The following MMP20 variants were observed in gnomAD, a reference collection of about 807,000 sequenced individuals.
MMP20 encodes the protein matrix metalloproteinase-20.
MMP20 carries 50 observed loss-of-function variants against 51.8 expected under a neutral mutation model. The observed-to-expected ratio is 0.97, with a 90% confidence interval of 0.77 to 1.22. MMP20 has a LOEUF of 1.22. Among genes scored for constraint, MMP20 ranks in the 50% most tolerant of loss-of-function variants. The pLI, the probability that MMP20 is intolerant of heterozygous loss-of-function variation, is 0.00. For synonymous variants in MMP20, 244 were observed against 216.2 expected, an observed-to-expected ratio of 1.13 and a Z score of -1.13; for missense variants, 663 against 601.4, an observed-to-expected ratio of 1.10 and a Z score of -1.07.
intron 8 of MMP20, among the ~76,000 whole-genome samples, chr11:102,589,096 T>C (rs1859285351): frequency 6.6e-6 from 1 of 152,244 alleles, no homozygotes; most frequent in Non-Finnish European, 1.5e-5. Context: ...GCATTGACAC[T>C]ACATGATCTG....
At chr11:102,585,174 T>C (rs1465430488) in intron 8 of MMP20, among the ~76,000 whole-genome samples, 1 of 152,198 alleles carries the variant, frequency 6.6e-6, no homozygotes, top group South Asian at 2.1e-4. Flanking sequence ...AAAGAGATTG[T>C]GTTGAATCTA....
Position 102,625,202 on chromosome 11 carries a change from G to A in MMP20, c.118C>T (p.Leu40Phe), listed in dbSNP as rs778396179. ...GGCAAAAATTCACAAACCTGTGCGA[G>A]GCGGTAGTTGTTCCTCCAGGTCCTG... ...SPRTWRNNYR[L>F]AQAYLDKYYT... Residue 40 changes from leucine (L) to phenylalanine (F), a missense_variant, in exon 1 of 10, where the codon CTC becomes TTC. Leu to Phe is a conservative substitution (Grantham distance 22, BLOSUM62 0). Coordinates refer to ENST00000260228, the MANE Select transcript of MMP20 (RefSeq NM_004771.4). 47 of 1,613,956 alleles carry A rather than the reference G, an allele frequency of 2.9e-5. No individual in the cohort carries two copies. Among genetic ancestry groups the A allele is most frequent in the Non-Finnish European group, 3.9e-5 (46 of 1,179,942 alleles).
chr11:102,615,160 TTTA>T (rs1346510457), intron 2 of MMP20, among the ~76,000 whole-genome samples: 3 of 147,096 alleles, frequency 2.0e-5, no homozygotes, highest in South Asian at 2.1e-4. Context: ...ACGTATTTTA[TTTA>T]TTATTATAAA....
Position 102,593,564 on chromosome 11 carries a change from T to A in MMP20, c.1122A>T (p.Gln374His). 24 of 1,614,140 alleles carry A rather than the reference T, an allele frequency of 1.5e-5. No homozygotes were observed. Among genetic ancestry groups the A allele is most frequent in the Non-Finnish European group, 2.0e-5 (24 of 1,179,998 alleles). Residue 374 changes from glutamine to histidine, a missense_variant, in exon 8 of 10, where the codon CAA becomes CAT. Gln to His is a conservative substitution (Grantham distance 24). Transcript: ENST00000260228. Reference sequence around the variant, plus strand: ...AAATAGTCCGAGGAGGACCTTGCATTTGGAATCCTCTTGTTATCCAGTAGT... The same window carrying A: ...AAATAGTCCGAGGAGGACCTTGCATATGGAATCCTCTTGTTATCCAGTAGT... ...GPHYWITRGF[Q>H]MQGPPRTIYD...
In MMP20 at chr11:102,616,846, C is replaced by T; in HGVS notation, c.340G>A (p.Glu114Lys). ...AAAGTATTTTTTTTCCATTTGGGTT[C>T]ACCAGGGAAGAGGCGATAATTGGCC... ...DVANYRLFPG[E>K]PKWKKNTLTY... The change falls in exon 2 of 10, where the codon GAA becomes AAA. Residue 114 changes from glutamate to lysine, a missense_variant. Coordinates refer to ENST00000260228, the MANE Select transcript of MMP20 (RefSeq NM_004771.4). 2 of 1,614,162 alleles carry T rather than the reference C, an allele frequency of 1.2e-6. No homozygotes were observed. Among genetic ancestry groups the T allele is most frequent in the South Asian group, 1.1e-5 (1 of 91,070 alleles).
intron 1 of MMP20, among the ~76,000 whole-genome samples, chr11:102,620,648 C>T (rs142033545): frequency 1.8e-4 from 27 of 152,270 alleles, no homozygotes; most frequent in African/African-American, 5.8e-4. Flanking sequence ...GCCCTTATTC[C>T]GTGCATTTTC....
At chr11:102,577,921 G>A (rs1859144805) in intron 9 of MMP20, among the ~76,000 whole-genome samples, 1 of 152,168 alleles carries the variant, frequency 6.6e-6, no homozygotes, top group African/African-American at 2.4e-5. Flanking sequence ...CATCTGTGTT[G>A]GGTGAACCAT....
chr11:102,587,877 C>T (rs1859272347), intron 8 of MMP20, among the ~76,000 whole-genome samples: 1 of 152,052 alleles, frequency 6.6e-6, no homozygotes, highest in African/African-American at 2.4e-5. Flanking sequence ...ATAGGTGGGT[C>T]TTGTTTTTTA....
chr11:102,587,144 T>C (rs975910862), intron 8 of MMP20, among the ~76,000 whole-genome samples: 2 of 152,154 alleles, frequency 1.3e-5, no homozygotes, highest in Non-Finnish European at 2.9e-5. Flanking sequence ...TCTGGTATGT[T>C]GTATTTTAAT....
chr11:102,604,714 C>A (rs1248586068), intron 6 of MMP20, among the ~76,000 whole-genome samples: 1 of 152,006 alleles, frequency 6.6e-6, no homozygotes, highest in Non-Finnish European at 1.5e-5. Context: ...TAGAAATAAT[C>A]CAGTATGGGA....
chr11:102,598,350 T>C (rs1048257354), intron 6 of MMP20, among the ~76,000 whole-genome samples: 1 of 152,178 alleles, frequency 6.6e-6, no homozygotes, highest in Admixed American at 6.5e-5. Flanking sequence ...ACAGATTATA[T>C]CACTAGTCTA....
chr11:102,622,073 C>G (rs1859757989), intron 1 of MMP20, among the ~76,000 whole-genome samples: 1 of 152,152 alleles, frequency 6.6e-6, no homozygotes, highest in Non-Finnish European at 1.5e-5. Flanking sequence ...ATTTTGCCAT[C>G]TTACCATTTT....
chr11:102,620,597 G>T (rs1859737491), intron 1 of MMP20, among the ~76,000 whole-genome samples: 1 of 152,142 alleles, frequency 6.6e-6, no homozygotes, highest in African/African-American at 2.4e-5. Flanking sequence ...GAGGCCAGGG[G>T]TTCCATTCCT....
At chr11:102,601,125 CTT>C (rs1168517234) in intron 6 of MMP20, among the ~76,000 whole-genome samples, 437 of 28,228 alleles carry the variant, frequency 0.015, 6 homozygotes, top group African/African-American at 0.069. Flanking sequence ...GTCGGCTATT[CTT>C]TTTTTTTTTT....
intron 8 of MMP20, among the ~76,000 whole-genome samples, chr11:102,586,740 C>T (rs1243719722): frequency 6.6e-6 from 1 of 152,020 alleles, no homozygotes; most frequent in Non-Finnish European, 1.5e-5. Flanking sequence ...TGGTGTGAAC[C>T]CGGGAGGCGG....
chr11:102,618,386 CTA>C (rs1488843563), intron 1 of MMP20, among the ~76,000 whole-genome samples: 1 of 151,400 alleles, frequency 6.6e-6, no homozygotes, highest in Non-Finnish European at 1.5e-5. Context: ...CACATATAAA[CTA>C]TGCAAATTGT....
At chr11:102,602,020 G>C (rs1299244235) in intron 6 of MMP20, among the ~76,000 whole-genome samples, 2 of 148,722 alleles carry the variant, frequency 1.3e-5, no homozygotes, top group East Asian at 2.0e-4. Context: ...CGCGATCTCG[G>C]CTCACTACAA....
chr11:102,613,647 A>G (rs1358489694), intron 2 of MMP20, among the ~76,000 whole-genome samples: 1 of 152,192 alleles, frequency 6.6e-6, no homozygotes, highest in East Asian at 1.9e-4. Flanking sequence ...CTAGGGTCCC[A>G]AATGAAAGGA....
rs554781807 is a variant in MMP20 at position 102,594,521 on chromosome 11, G to A, written c.1090+100C>T. On this transcript the variant is annotated intron_variant, in intron 7 of 9. Transcript: ENST00000260228. ...TGAGGACAAAGAGCAACTGAAATGT[G>A]CTCCATGATGACTGGAAAAATGCTG... 2.0e-6 allele frequency: 3 copies of A among 1,475,018 alleles called. No individual in the cohort carries two copies. The South Asian group carries it at 3.6e-5, about 18-fold the overall frequency. 91.4% of individuals were successfully genotyped at this position (1,475,018 alleles called of 1,614,324 possible). A position where few individuals can be genotyped will look rare whatever the true frequency, so the allele number is the denominator to read the frequency against.
Sources: allele counts gnomAD v4.1 joint callset (sites outside exome capture counted in the v4.1 genomes callset), GRCh38; gene constraint gnomAD v4.1.1; transcripts MANE v1.5; gene names NCBI Gene and HGNC (gene_info 2026-07-23, HGNC 2026-07-21).